The following HEMK2 variants were observed in gnomAD, a reference collection of about 807,000 sequenced individuals.
HEMK2 encodes the protein methyltransferase HEMK2.
At chr21:28,727,075 T>A in the HEMK2 span, among the ~76,000 whole-genome samples, 4 of 151,888 alleles carry the variant, frequency 2.6e-5, no homozygotes, top group African/African-American at 9.7e-5. Flanking sequence ...AGGATGGAAG[T>A]AGGAACATGA....
chr21:28,656,382 T>C, the HEMK2 span, among the ~76,000 whole-genome samples: 1 of 152,020 alleles, frequency 6.6e-6, no homozygotes, highest in African/African-American at 2.4e-5. Flanking sequence ...AGTCCCAGGA[T>C]AACAGCTTCC....
the HEMK2 span, among the ~76,000 whole-genome samples, chr21:28,603,547 A>ATG: frequency 8.7e-5 from 7 of 80,770 alleles, no homozygotes; most frequent in East Asian, 7.9e-4. Flanking sequence ...CTGAGGATAT[A>ATG]TATGTGTGTG....
At chr21:28,668,077 T>C in the HEMK2 span, among the ~76,000 whole-genome samples, 1 of 152,200 alleles carries the variant, frequency 6.6e-6, no homozygotes, top group Non-Finnish European at 1.5e-5. Flanking sequence ...TGGTCAAATC[T>C]CGTTATAAGC....
chr21:28,747,989 A>T, the HEMK2 span, among the ~76,000 whole-genome samples: 2 of 152,254 alleles, frequency 1.3e-5, no homozygotes, highest in African/African-American at 2.4e-5. Flanking sequence ...AGCTGGAGGC[A>T]TTTCCTAAAT....
At chr21:28,826,076 G>A in the HEMK2 span, among the ~76,000 whole-genome samples, 1 of 152,166 alleles carries the variant, frequency 6.6e-6, no homozygotes, top group African/African-American at 2.4e-5. Flanking sequence ...TGCTTTAAAT[G>A]GGCAAAACAC....
At chr21:28,677,186 G>T in the HEMK2 span, among the ~76,000 whole-genome samples, 1,042 of 152,246 alleles carry the variant, frequency 6.8e-3, 10 homozygotes, top group African/African-American at 0.024. Context: ...GGAAAATCGG[G>T]TCACCTCCAC....
the HEMK2 span, among the ~76,000 whole-genome samples, chr21:28,661,758 C>T: frequency 2.6e-5 from 4 of 152,134 alleles, no homozygotes; most frequent in African/African-American, 7.2e-5. Flanking sequence ...CTGTCCAATA[C>T]AGTAGCCAGT....
the HEMK2 span, among the ~76,000 whole-genome samples, chr21:28,880,656 T>C: frequency 1.3e-5 from 2 of 151,744 alleles, no homozygotes; most frequent in South Asian, 2.1e-4. Context: ...GGCAGGATAA[T>C]TGCTTGAACC....
chr21:28,693,737 CCTAA>C, the HEMK2 span, among the ~76,000 whole-genome samples: 9 of 152,268 alleles, frequency 5.9e-5, no homozygotes, highest in South Asian at 1.0e-3. Flanking sequence ...AGCTGGTTTA[CCTAA>C]CTAACTTGCC....
At chr21:28,854,966 G>C in the HEMK2 span, among the ~76,000 whole-genome samples, 1 of 152,098 alleles carries the variant, frequency 6.6e-6, no homozygotes, top group South Asian at 2.1e-4. Flanking sequence ...TCAAGTCTGC[G>C]TAATAACTAG....
the HEMK2 span, among the ~76,000 whole-genome samples, chr21:28,693,134 G>A: frequency 6.6e-6 from 1 of 152,212 alleles, no homozygotes. Flanking sequence ...CACTTTAAAA[G>A]GGGGGACTTT....
chr21:28,773,442 G>A, the HEMK2 span, among the ~76,000 whole-genome samples: 1 of 152,082 alleles, frequency 6.6e-6, no homozygotes, highest in African/African-American at 2.4e-5. Flanking sequence ...ACACAGAACT[G>A]ACTTCATATG....
At chr21:28,780,335 GCCCAGC>G in the HEMK2 span, among the ~76,000 whole-genome samples, 1 of 151,796 alleles carries the variant, frequency 6.6e-6, no homozygotes, top group African/African-American at 2.4e-5. Context: ...GAGCCACCAT[GCCCAGC>G]TAATTTTTGG....
the HEMK2 span, among the ~76,000 whole-genome samples, chr21:28,745,459 C>T: frequency 2.0e-5 from 3 of 152,190 alleles, no homozygotes; most frequent in African/African-American, 7.2e-5. Flanking sequence ...GGGGCCCTGC[C>T]CTGGCCCCGT....
the HEMK2 span, among the ~76,000 whole-genome samples, chr21:28,686,672 T>C: frequency 1.3e-5 from 2 of 152,194 alleles, no homozygotes; most frequent in Non-Finnish European, 2.9e-5. Context: ...GCTTTTTAGG[T>C]GGCCCAGGGA....
At chr21:28,876,464 T>C in the HEMK2 span, 10 of 1,604,706 alleles carry the variant, frequency 6.2e-6, no homozygotes, top group Admixed American at 5.2e-5. Flanking sequence ...TTGCAGACCT[T>C]TTGTCTTCAT....
chr21:28,881,625 A>ATTTTTTTTTTTTTTTTTTTTTTTTTTT, the HEMK2 span, among the ~76,000 whole-genome samples: 1 of 100,798 alleles, frequency 9.9e-6, no homozygotes, highest in Non-Finnish European at 1.9e-5. Flanking sequence ...GAAGCCATCA[A>ATTTTTTTTTTTTTTTTTTTTTTTTTTT]TTTTTTTTTT....
the HEMK2 span, among the ~76,000 whole-genome samples, chr21:28,879,596 T>G: frequency 1.3e-5 from 2 of 152,246 alleles, no homozygotes; most frequent in South Asian, 4.1e-4. Context: ...ACATGTAATA[T>G]ATATGTACAT....
the HEMK2 span, among the ~76,000 whole-genome samples, chr21:28,673,957 TAA>T: frequency 2.0e-5 from 3 of 152,092 alleles, no homozygotes; most frequent in Admixed American, 6.5e-5. Flanking sequence ...AGAAGCTGGG[TAA>T]AATGAGGCTG....
Sources: gnomAD v4.1 joint callset for allele counts (sites outside exome capture counted in the v4.1 genomes callset) on GRCh38, gnomAD v4.1.1 for gene constraint, MANE v1.5 for transcripts, NCBI Gene and HGNC (gene_info 2026-07-23, HGNC 2026-07-21) for gene names.